DCP1B: variants seen among roughly 807,000 people sequenced by gnomAD.
The protein encoded by DCP1B is decapping mRNA 1B.
DCP1B carries 47 observed loss-of-function variants against 60.5 expected under a neutral mutation model. That is an observed-to-expected ratio of 0.78 (90% confidence interval 0.61 to 0.99). DCP1B has a LOEUF of 0.99. Among genes scored for constraint, DCP1B ranks in the 50% least tolerant of loss-of-function variants. The pLI, the probability that DCP1B is intolerant of heterozygous loss-of-function variation, is 0.00. For synonymous variants in DCP1B, 267 were observed against 280.3 expected, an observed-to-expected ratio of 0.95 and a Z score of 0.47; for missense variants, 725 against 756.8, an observed-to-expected ratio of 0.96 and a Z score of 0.49.
intron 3 of DCP1B, chr12:1,992,925 C>G (rs2039816811): frequency 1.7e-6 from 1 of 574,576 alleles, no homozygotes; most frequent in Non-Finnish European, 3.1e-6. Context: ...CAGGGAGCCA[C>G]CTATGTGTGT....
chr12:1,959,110 G>A (rs1473315410), intron 5 of DCP1B, among the ~76,000 whole-genome samples: 1 of 151,570 alleles, frequency 6.6e-6, no homozygotes, highest in African/African-American at 2.4e-5. Context: ...CCCCAACGTC[G>A]CTCTGGGCAA....
intron 4 of DCP1B, 40 bp from the exon 5 acceptor site, chr12:1,965,733 A>G (rs1279795226): frequency 6.3e-7 from 1 of 1,582,840 alleles, no homozygotes; most frequent in Non-Finnish European, 8.6e-7. Context: ...AGAAAAGCCA[A>G]TTCAACACAA....
chr12:1,952,099 G>A (rs778479998), intron 7 of DCP1B, among the ~76,000 whole-genome samples: 1 of 152,220 alleles, frequency 6.6e-6, no homozygotes, highest in Non-Finnish European at 1.5e-5. Context: ...AGAAATGTAC[G>A]TGACACATTG....
chr12:1,953,204 G>C lies in DCP1B; in HGVS notation c.736C>G (p.Pro246Ala). ...TGCTGCTGGTGGAGAGTCTGCGGAGGCTCCACAGTTTCCTGACATGTAGCT... is the reference window on the plus strand; with the variant it reads ...TGCTGCTGGTGGAGAGTCTGCGGAGCCTCCACAGTTTCCTGACATGTAGCT... ...DKATCQETVEPPQTLHQQQQQ... is the reference protein window; with the variant it reads ...DKATCQETVEAPQTLHQQQQQ... The change falls in exon 7 of 9, where the codon CCT becomes GCT. Residue 246 changes from proline (P) to alanine (A), a missense_variant. Physicochemically the swap from Pro to Ala is conservative, Grantham distance 27. Transcript: ENST00000280665. The C allele has an allele frequency of 6.2e-7, 1 of 1,609,262 alleles. No homozygotes were observed. Among genetic ancestry groups the C allele is most frequent in the Non-Finnish European group, 8.5e-7 (1 of 1,179,988 alleles).
At chr12:1,949,678 C>T (rs950721683) in intron 7 of DCP1B, among the ~76,000 whole-genome samples, 8 of 152,230 alleles carry the variant, frequency 5.3e-5, no homozygotes, top group Non-Finnish European at 7.3e-5. Flanking sequence ...ACCTAAAGGT[C>T]TCACAACCTA....
intron 3 of DCP1B, among the ~76,000 whole-genome samples, chr12:1,981,700 C>T (rs2036184723): frequency 6.6e-6 from 1 of 152,092 alleles, no homozygotes; most frequent in African/African-American, 2.4e-5. Flanking sequence ...AACAAATGAG[C>T]AAAGCAAATA....
intron 1 of DCP1B, among the ~76,000 whole-genome samples, chr12:2,002,785 A>G (rs1467662549): frequency 2.0e-5 from 3 of 152,180 alleles, no homozygotes; most frequent in African/African-American, 4.8e-5. Flanking sequence ...ATTTTTCTAC[A>G]GAGCAGCAAA....
chr12:1,958,439 G>C (rs1473236849), intron 5 of DCP1B, among the ~76,000 whole-genome samples: 1 of 36,892 alleles, frequency 2.7e-5, no homozygotes. Context: ...GAAGGAAACA[G>C]GGGAAAAGCT....
Position 1,993,269 on chromosome 12 carries a change from G to A in DCP1B, c.314C>T (p.Ala105Val). Reference sequence around the variant, plus strand: ...CTGTAGTAAGAAAGACTCACATCTGGCATTTCTGTAGAGAAGGAAAGGGTC... The same window carrying A: ...CTGTAGTAAGAAAGACTCACATCTGACATTTCTGTAGAGAAGGAAAGGGTC... ...LQDPFLLYRN[A>V]RLSIYGIWFY... The change falls in exon 3 of 9, where the codon GCC (alanine) becomes GTC (valine). Residue 105 changes from alanine to valine, a missense_variant. Physicochemically the swap from Ala to Val is moderately conservative, Grantham distance 64. Transcript: ENST00000280665. The A allele has an allele frequency of 6.2e-7, 1 of 1,614,070 alleles. No individual in the cohort carries two copies. Among genetic ancestry groups the A allele is most frequent in the Non-Finnish European group, 8.5e-7 (1 of 1,179,990 alleles).
intron 3 of DCP1B, among the ~76,000 whole-genome samples, chr12:1,987,718 G>GAT (rs2038200725): frequency 6.6e-6 from 1 of 152,098 alleles, no homozygotes; most frequent in South Asian, 2.1e-4. Context: ...TTCACACACA[G>GAT]ATACACACAC....
At chr12:1,946,965 G>C (rs2030451706) in intron 8 of DCP1B, among the ~76,000 whole-genome samples, 1 of 152,164 alleles carries the variant, frequency 6.6e-6, no homozygotes, top group Non-Finnish European at 1.5e-5. Flanking sequence ...CCAAGTGTTG[G>C]ATTACAGGCA....
At chr12:1,956,927 T>C (rs565955521) in intron 5 of DCP1B, among the ~76,000 whole-genome samples, 1 of 152,350 alleles carries the variant, frequency 6.6e-6, no homozygotes, top group South Asian at 2.1e-4. Context: ...TATGCCCATA[T>C]CCATATGGGC....
At position 1,997,931 on chromosome 12, in the gene DCP1B, T is replaced by C. The variant is rs1436120413; in HGVS notation, c.191+4A>G. ...GTTTCTTTATAAAAGTGAAACACTC[T>C]TACCTTGTATAAACAAATAAGGTTC... On this transcript the variant is annotated splice_donor_region_variant and intron_variant, in intron 2 of 8. Transcript: ENST00000280665. 1 of 1,604,898 alleles carries C rather than the reference T, an allele frequency of 6.2e-7. No individual in the cohort carries two copies. The highest frequency in any genetic ancestry group is 8.5e-7 in the Non-Finnish European group (1 of 1,175,822).
At chr12:1,961,053 A>G (rs1336454348) in intron 5 of DCP1B, among the ~76,000 whole-genome samples, 2 of 152,238 alleles carry the variant, frequency 1.3e-5, no homozygotes, top group Admixed American at 1.3e-4. Flanking sequence ...AGCAGGGTGC[A>G]TGCACACCTA....
intron 5 of DCP1B, among the ~76,000 whole-genome samples, chr12:1,965,241 T>C (rs959422118): frequency 4.6e-5 from 7 of 152,142 alleles, no homozygotes; most frequent in Non-Finnish European, 8.8e-5. Context: ...ATTCATTTGT[T>C]GCTACTGTAA....
intron 3 of DCP1B, among the ~76,000 whole-genome samples, chr12:1,984,714 T>C (rs1298678175): frequency 1.3e-5 from 2 of 151,128 alleles, no homozygotes; most frequent in African/African-American, 4.9e-5. Flanking sequence ...AGCTTTCCCT[T>C]TGATATTATT....
intron 2 of DCP1B, among the ~76,000 whole-genome samples, chr12:1,996,448 T>C (rs1477838340): frequency 2.0e-5 from 3 of 151,606 alleles, no homozygotes; most frequent in Non-Finnish European, 4.4e-5. Flanking sequence ...GAGACTGCCT[T>C]CCCTCTCCTC....
intron 3 of DCP1B, among the ~76,000 whole-genome samples, chr12:1,987,346 G>A (rs1198117045): frequency 1.3e-5 from 2 of 152,196 alleles, no homozygotes; most frequent in East Asian, 3.8e-4. Flanking sequence ...GCTTTTGTGA[G>A]TTGACTTGGA....
chr12:1,972,354 T>C (rs892345452), intron 3 of DCP1B, among the ~76,000 whole-genome samples: 1 of 152,262 alleles, frequency 6.6e-6, no homozygotes, highest in African/African-American at 2.4e-5. Context: ...ATAATGTTTC[T>C]TGATTTACTA....
Sources: gnomAD v4.1 joint callset for allele counts (sites outside exome capture counted in the v4.1 genomes callset) on GRCh38, gnomAD v4.1.1 for gene constraint, MANE v1.5 for transcripts, NCBI Gene and HGNC (gene_info 2026-07-23, HGNC 2026-07-21) for gene names.